AGBL1: variants seen among roughly 807,000 people sequenced by gnomAD.
The protein encoded by AGBL1 is cytosolic carboxypeptidase 4.
In AGBL1, 130 loss-of-function variants were observed where a neutral mutation model predicts 118.9. The observed-to-expected ratio is 1.09, with a 90% CI of 0.95 to 1.26. AGBL1 has a LOEUF of 1.26. AGBL1 is among the 50% of genes most tolerant of loss of function. The pLI is 0.00. For missense variants in AGBL1, 1,584 were observed against 1,298.1 expected (o/e 1.22, Z -3.38); for synonymous variants, 555 against 478.9 (o/e 1.16, Z -2.08).
intron 17 of AGBL1, chr15:86,316,670 T>C (rs1302977777): frequency 6.6e-6 from 1 of 152,244 alleles, no homozygotes; most frequent in African/African-American, 2.4e-5. Flanking sequence ...AGCAAATTCA[T>C]GGTAAGGGAA....
chr15:86,155,596 T>C (rs1597468058), intron 4 of AGBL1, among the ~76,000 whole-genome samples: 1 of 152,230 alleles, frequency 6.6e-6, no homozygotes, highest in Non-Finnish European at 1.5e-5. Context: ...TTCTATCTGA[T>C]ATGTAATGAG....
At chr15:86,249,314 A>G (rs1179128812) in intron 7 of AGBL1, among the ~76,000 whole-genome samples, 3 of 152,126 alleles carry the variant, frequency 2.0e-5, no homozygotes, top group African/African-American at 7.2e-5. Context: ...CTATCTGAGT[A>G]CATCTGAGGT....
chr15:86,187,732 A>G (rs891468132), intron 5 of AGBL1, among the ~76,000 whole-genome samples: 1 of 152,228 alleles, frequency 6.6e-6, no homozygotes, highest in African/African-American at 2.4e-5. Context: ...TACAGGTCAC[A>G]TGTGACTATG....
At chr15:86,760,014 C>A (rs955081512) in intron 22 of AGBL1, among the ~76,000 whole-genome samples, 2 of 151,998 alleles carry the variant, frequency 1.3e-5, no homozygotes, top group Non-Finnish European at 2.9e-5. Flanking sequence ...ACTGTAGGAA[C>A]CTTCCCCTAT....
intron 22 of AGBL1, among the ~76,000 whole-genome samples, chr15:86,841,152 C>G (rs2141437112): frequency 6.6e-6 from 1 of 152,316 alleles, no homozygotes; most frequent in East Asian, 1.9e-4. Context: ...CTACAGGCAG[C>G]TCAGCATTTC....
intron 22 of AGBL1, among the ~76,000 whole-genome samples, chr15:86,742,970 G>A (rs141758546): frequency 6.6e-6 from 1 of 152,196 alleles, no homozygotes; most frequent in East Asian, 1.9e-4. Context: ...GGGGGTAATA[G>A]TATCATATAT....
At chr15:86,970,814 C>T (rs2081100813) in intron 23 of AGBL1, among the ~76,000 whole-genome samples, 1 of 151,932 alleles carries the variant, frequency 6.6e-6, no homozygotes, top group Non-Finnish European at 1.5e-5. Context: ...ATTGGCCCTC[C>T]ATATCTATGG....
At chr15:87,006,136 G>T (rs2081499568) in intron 24 of AGBL1, among the ~76,000 whole-genome samples, 1 of 152,186 alleles carries the variant, frequency 6.6e-6, no homozygotes. Flanking sequence ...GGCTACTCAG[G>T]GGTCAGGGAC....
intron 22 of AGBL1, among the ~76,000 whole-genome samples, chr15:86,865,534 G>A (rs1419590291): frequency 2.6e-5 from 4 of 152,120 alleles, no homozygotes; most frequent in Non-Finnish European, 5.9e-5. Context: ...AAAGAAAATG[G>A]ACAGTATAAA....
chr15:86,522,791 T>C lies in AGBL1; in HGVS notation c.2556-19T>C. Reference sequence around the variant, plus strand: ...TTCTTCTGAATGTGTATTTATTTGCTTATTATTTGTTCCTGTAGCCACAGA... The same window carrying C: ...TTCTTCTGAATGTGTATTTATTTGCCTATTATTTGTTCCTGTAGCCACAGA... On this transcript the variant is annotated intron_variant, in intron 18 of 22. Transcript: ENST00000614907. 6.2e-7 allele frequency: 1 copy of C among 1,612,638 alleles called. No homozygotes were observed. The highest frequency in any genetic ancestry group is 8.5e-7 in the Non-Finnish European group (1 of 1,178,930).
intron 1 of AGBL1, among the ~76,000 whole-genome samples, chr15:86,118,436 G>A (rs1897896100): frequency 6.6e-6 from 1 of 151,642 alleles, no homozygotes; most frequent in South Asian, 2.1e-4. Flanking sequence ...TTGGCCCTCT[G>A]CGAATCAGCA....
chr15:86,485,914 C>T (rs1416012786), intron 18 of AGBL1, among the ~76,000 whole-genome samples: 1 of 152,090 alleles, frequency 6.6e-6, no homozygotes, highest in Non-Finnish European at 1.5e-5. Context: ...CCACATCTCT[C>T]CTTTCCTTCT....
At chr15:86,292,152 T>A (rs758592079) in intron 16 of AGBL1, among the ~76,000 whole-genome samples, 10 of 152,190 alleles carry the variant, frequency 6.6e-5, no homozygotes, top group South Asian at 2.1e-4. Context: ...ACTTTGAAGA[T>A]GTGATTAGAG....
chr15:86,188,313 T>A (rs1213539543), intron 5 of AGBL1, among the ~76,000 whole-genome samples: 1 of 152,224 alleles, frequency 6.6e-6, no homozygotes, highest in African/African-American at 2.4e-5. Flanking sequence ...GTGTTAGGAA[T>A]AAAAAGTTTC....
At chr15:86,564,245 G>T (rs1464311006) in intron 21 of AGBL1, among the ~76,000 whole-genome samples, 2 of 152,100 alleles carry the variant, frequency 1.3e-5, no homozygotes, top group African/African-American at 4.8e-5. Context: ...TTACAATTTG[G>T]CACGTTTTTG....
At chr15:86,497,140 A>G (rs2082864312) in intron 18 of AGBL1, among the ~76,000 whole-genome samples, 1 of 152,022 alleles carries the variant, frequency 6.6e-6, no homozygotes, top group Admixed American at 6.6e-5. Context: ...TTTAATTTTA[A>G]TAAGACTTAT....
chr15:86,779,804 T>G (rs2078306701), intron 22 of AGBL1, among the ~76,000 whole-genome samples: 1 of 152,170 alleles, frequency 6.6e-6, no homozygotes, highest in East Asian at 1.9e-4. Context: ...TATATTTTAT[T>G]AACCATTTGA....
chr15:86,464,513 G>A (rs1274153108), intron 18 of AGBL1, among the ~76,000 whole-genome samples: 1 of 152,162 alleles, frequency 6.6e-6, no homozygotes, highest in African/African-American at 2.4e-5. Flanking sequence ...TCCTTGTCTT[G>A]TGCCAGTTTT....
intron 1 of AGBL1, among the ~76,000 whole-genome samples, chr15:86,108,372 G>A (rs552345069): frequency 1.3e-5 from 2 of 152,298 alleles, no homozygotes; most frequent in Non-Finnish European, 2.9e-5. Context: ...TAGATAAATA[G>A]ATAGATACAG....
Sources: gnomAD v4.1 joint callset for allele counts (sites outside exome capture counted in the v4.1 genomes callset) on GRCh38, gnomAD v4.1.1 for gene constraint, MANE v1.5 for transcripts, NCBI Gene and HGNC (gene_info 2026-07-23, HGNC 2026-07-21) for gene names.